RGS7: variants seen among roughly 807,000 people sequenced by gnomAD.
RGS7 encodes the protein regulator of G protein signaling 7.
In RGS7, 27 loss-of-function variants were observed where a neutral mutation model predicts 81.1. The ratio of observed to expected loss-of-function variants is 0.33; its 90% CI spans 0.25 to 0.46. The LOEUF (loss-of-function observed/expected upper bound fraction) is 0.46. RGS7 is among the 20% of genes least tolerant of loss of function. The pLI, the probability that RGS7 is intolerant of heterozygous loss-of-function variation, is 1.00. For missense variants in RGS7, 396 were observed against 607.4 expected, an observed-to-expected ratio of 0.65 and a Z score of 3.66; for synonymous variants, 208 against 207.7, an observed-to-expected ratio of 1.00 and a Z score of -0.01.
intron 2 of RGS7, among the ~76,000 whole-genome samples, chr1:241,116,020 G>T (rs12026116): frequency 0.13 from 20,257 of 152,048 alleles, 1,653 homozygotes; most frequent in Middle Eastern, 0.18. Context: ...GCCACCACGT[G>T]TGCTTCCTCT....
intron 4 of RGS7, among the ~76,000 whole-genome samples, chr1:240,975,568 G>T (rs1683945896): frequency 6.6e-6 from 1 of 152,114 alleles, no homozygotes; most frequent in African/African-American, 2.4e-5. Context: ...TAGTCAGGAT[G>T]ACTCTTACAG....
chr1:240,837,412 T>C (rs1694899144), intron 9 of RGS7, among the ~76,000 whole-genome samples: 1 of 152,254 alleles, frequency 6.6e-6, no homozygotes, highest in Non-Finnish European at 1.5e-5. Flanking sequence ...AGACTGAACA[T>C]GTGTGCTCCA....
At chr1:241,092,522 A>C (rs1428057848) in intron 3 of RGS7, among the ~76,000 whole-genome samples, 1 of 152,230 alleles carries the variant, frequency 6.6e-6, no homozygotes, top group Non-Finnish European at 1.5e-5. Context: ...CATTTACAGA[A>C]AATCTTCAGC....
intron 11 of RGS7, among the ~76,000 whole-genome samples, 175 bp from the exon 12 acceptor site, chr1:240,814,952 T>C (rs1057274518): frequency 2.0e-5 from 3 of 151,940 alleles, no homozygotes; most frequent in Non-Finnish European, 1.5e-5. Context: ...CAAAATGAAA[T>C]GTTGGAATTT....
intron 3 of RGS7, among the ~76,000 whole-genome samples, chr1:241,063,496 G>A (rs2061854858): frequency 1.3e-5 from 2 of 152,230 alleles, no homozygotes; most frequent in South Asian, 4.1e-4. Context: ...AATCCCAAGA[G>A]GCAGGTGATT....
chr1:240,799,605 CAAG>C (rs1316262220), intron 18 of RGS7, among the ~76,000 whole-genome samples: 3 of 151,958 alleles, frequency 2.0e-5, no homozygotes, highest in Non-Finnish European at 4.4e-5. Context: ...GGCCACATTG[CAAG>C]AAGAATTATC....
At chr1:240,826,363 T>C (rs1396547367) in intron 10 of RGS7, among the ~76,000 whole-genome samples, 1 of 152,162 alleles carries the variant, frequency 6.6e-6, no homozygotes, top group African/African-American at 2.4e-5. Context: ...GAAAAAAATA[T>C]TGAGTGCTTA....
chr1:241,211,821 G>A lies in RGS7; in HGVS notation c.79-113059C>T, dbSNP rs530457254. 1.6e-4 allele frequency among the ~76,000 whole-genome samples: 25 copies of A among 152,294 alleles called. No homozygotes were observed. In the South Asian group the frequency reaches 4.8e-3, roughly 29 times the overall value. ...ACGGATTTGAATCATGGTCTGTCTCGATGCCTCAGTTTCCTAATGTGGAAA... is the reference window on the plus strand; with the variant it reads ...ACGGATTTGAATCATGGTCTGTCTCAATGCCTCAGTTTCCTAATGTGGAAA... On this transcript the variant is annotated intron_variant, in intron 2 of 18. Transcript: ENST00000440928.
At chr1:240,898,412 G>T (rs1207932070) in intron 6 of RGS7, among the ~76,000 whole-genome samples, 1 of 151,954 alleles carries the variant, frequency 6.6e-6, no homozygotes. Flanking sequence ...TTTCTCTTGT[G>T]GTCATTTAGT....
At position 241,221,006 on chromosome 1, in the gene RGS7, AAAGGAAGG is replaced by A. The variant is rs58113561; in HGVS notation, c.79-122252_79-122245del. Among the ~76,000 whole-genome samples the A allele has an allele frequency of 1.4e-3, 115 of 84,638 alleles. 3 individuals are homozygous for A. Among genetic ancestry groups the A allele is most frequent in the African/African-American group, 2.4e-3 (61 of 25,008 alleles). The allele number at this position is 84,638 out of a possible 152,430, so 55.5% of individuals were successfully genotyped here. Reference sequence around the variant, plus strand: ...GGAAGGAAGGAAGGAAGAGAGAGAGAAAGGAAGGAAGGAAGGAAGGAAGGAAGGAAGGA... The same window carrying A: ...GGAAGGAAGGAAGGAAGAGAGAGAGAAAGGAAGGAAGGAAGGAAGGAAGGA... On this transcript the variant is annotated intron_variant, in intron 2 of 18. Transcript: ENST00000440928.
At chr1:240,984,552 C>T (rs1391782831) in intron 3 of RGS7, among the ~76,000 whole-genome samples, 3 of 152,178 alleles carry the variant, frequency 2.0e-5, no homozygotes, top group African/African-American at 7.2e-5. Flanking sequence ...TTGCTTGAGA[C>T]ATTCATTTGT....
chr1:240,788,719 T>TA (rs1332445791), intron 18 of RGS7, among the ~76,000 whole-genome samples: 2 of 152,214 alleles, frequency 1.3e-5, no homozygotes, highest in African/African-American at 2.4e-5. Context: ...GGGATGCTTG[T>TA]AACCAATGCG....
At chr1:241,086,022 C>T (rs2063419104) in intron 3 of RGS7, among the ~76,000 whole-genome samples, 1 of 152,202 alleles carries the variant, frequency 6.6e-6, no homozygotes, top group South Asian at 2.1e-4. Flanking sequence ...ACTGTGGGCT[C>T]TGTGCTCCCC....
chr1:240,835,617 C>CA (rs1225168684), intron 9 of RGS7, among the ~76,000 whole-genome samples: 1 of 152,236 alleles, frequency 6.6e-6, no homozygotes, highest in African/African-American at 2.4e-5. Flanking sequence ...CTTATGTTCA[C>CA]AAAAAAACCT....
chr1:241,027,523 G>A (rs991233477), intron 3 of RGS7, among the ~76,000 whole-genome samples: 13 of 152,274 alleles, frequency 8.5e-5, no homozygotes, highest in East Asian at 3.9e-4. Context: ...CTGCTGCCCA[G>A]GGTGCGTGGT....
intron 2 of RGS7, among the ~76,000 whole-genome samples, chr1:241,322,769 T>C (rs1171558128): frequency 1.3e-5 from 2 of 152,242 alleles, no homozygotes; most frequent in African/African-American, 2.4e-5. Flanking sequence ...TTTTAGATCA[T>C]GGAGTGCTTA....
intron 2 of RGS7, among the ~76,000 whole-genome samples, chr1:241,162,499 C>G (rs1223339923): frequency 6.6e-6 from 1 of 152,188 alleles, no homozygotes; most frequent in Non-Finnish European, 1.5e-5. Context: ...AGGTATAAAA[C>G]CCCAGTCAAG....
intron 3 of RGS7, among the ~76,000 whole-genome samples, chr1:241,024,028 C>A (rs1012833546): frequency 1.3e-5 from 2 of 152,212 alleles, no homozygotes; most frequent in Non-Finnish European, 2.9e-5. Context: ...GTTGGGATTA[C>A]AGGCATGAGC....
At chr1:241,100,431 C>A (rs1270179185) in intron 2 of RGS7, among the ~76,000 whole-genome samples, 1 of 150,606 alleles carries the variant, frequency 6.6e-6, no homozygotes, top group African/African-American at 2.4e-5. Flanking sequence ...TGGTTTTCAG[C>A]TAAGAAATCT....
Sources: allele counts gnomAD v4.1 joint callset (sites outside exome capture counted in the v4.1 genomes callset), GRCh38; gene constraint gnomAD v4.1.1; transcripts MANE v1.5; gene names NCBI Gene and HGNC (gene_info 2026-07-23, HGNC 2026-07-21).